The following RIN2 variants were observed in gnomAD, a reference collection of about 807,000 sequenced individuals.
RIN2 encodes the protein Ras and Rab interactor 2, also known as RAB5 interacting protein 2.
A neutral mutation model predicts 78.0 loss-of-function variants in RIN2; 36 were observed. That is an observed-to-expected ratio of 0.46 (90% CI 0.35 to 0.61). RIN2 has a LOEUF of 0.61. Ranked by LOEUF, RIN2 falls within the 20% of genes least tolerant of loss-of-function variation. RIN2 has a pLI of 0.00. For missense variants in RIN2, 1,087 were observed against 1,159.7 expected (o/e 0.94, Z 0.91); for synonymous variants, 466 against 466.8 (o/e 1.00, Z 0.02).
intron 3 of RIN2, among the ~76,000 whole-genome samples, chr20:19,933,272 T>A (rs1474936338): frequency 6.6e-6 from 1 of 152,242 alleles, no homozygotes; most frequent in Non-Finnish European, 1.5e-5. Flanking sequence ...TACCATGATC[T>A]ACAAAGTTGG....
chr20:19,910,329 T>A (rs1215907078), intron 3 of RIN2, among the ~76,000 whole-genome samples: 1 of 151,706 alleles, frequency 6.6e-6, no homozygotes, highest in Non-Finnish European at 1.5e-5. Context: ...TGCGCCACCA[T>A]GCCCAGCTAA....
intron 2 of RIN2, among the ~76,000 whole-genome samples, chr20:19,844,524 A>G (rs1006549338): frequency 2.0e-5 from 3 of 152,046 alleles, no homozygotes; most frequent in African/African-American, 7.2e-5. Flanking sequence ...AAATGGGTGC[A>G]TGGCTGGTGT....
intron 1 of RIN2, among the ~76,000 whole-genome samples, chr20:19,797,259 C>A (rs1250376824): frequency 5.3e-5 from 8 of 152,266 alleles, no homozygotes; most frequent in Middle Eastern, 6.8e-3. Context: ...CTCATGTAAG[C>A]CCTTCCTCTC....
chr20:19,779,113 A>T (rs2034410377), intron 1 of RIN2, among the ~76,000 whole-genome samples: 1 of 152,190 alleles, frequency 6.6e-6, no homozygotes, highest in African/African-American at 2.4e-5. Context: ...GATCATCACA[A>T]ATCTGTAAAA....
At chr20:19,963,770 A>G (rs906858) in intron 6 of RIN2, among the ~76,000 whole-genome samples, 1,607 of 151,646 alleles carry the variant, frequency 0.011, 27 homozygotes, top group South Asian at 0.047. Context: ...TGGCTGGCAA[A>G]TTCATGAGTA....
chr20:19,813,933 A>C (rs933739312), intron 2 of RIN2, among the ~76,000 whole-genome samples: 2 of 152,326 alleles, frequency 1.3e-5, no homozygotes, highest in South Asian at 4.1e-4. Flanking sequence ...TAAATTATAG[A>C]AAACTAGACA....
At chr20:19,839,007 G>A (rs2036502736) in intron 2 of RIN2, among the ~76,000 whole-genome samples, 1 of 152,150 alleles carries the variant, frequency 6.6e-6, no homozygotes, top group African/African-American at 2.4e-5. Context: ...CCAACCTGAT[G>A]ATTGGGAACA....
At chr20:19,835,870 GA>G (rs1412658816) in intron 2 of RIN2, among the ~76,000 whole-genome samples, 2 of 152,212 alleles carry the variant, frequency 1.3e-5, no homozygotes, top group Non-Finnish European at 2.9e-5. Flanking sequence ...TTCCTGGCCA[GA>G]AGGAGAGAGT....
chr20:19,953,120 G>T lies in RIN2; in HGVS notation c.159-3495G>T, dbSNP rs73605555. Among the ~76,000 whole-genome samples the T allele has an allele frequency of 7.3e-5, 11 of 151,470 alleles. No homozygotes were observed. In the South Asian group the frequency reaches 2.3e-3, roughly 32 times the overall value. On this transcript the variant is annotated intron_variant, in intron 4 of 12. Transcript: ENST00000255006. ...GTAGTGGTTGTAAACTTGGTTGCACGTTGGGATCCCCTGGGGAATTTTTTT... is the reference window on the plus strand; with the variant it reads ...GTAGTGGTTGTAAACTTGGTTGCACTTTGGGATCCCCTGGGGAATTTTTTT...
intron 1 of RIN2, among the ~76,000 whole-genome samples, chr20:19,788,274 AAAAG>A (rs1346204307): frequency 6.6e-6 from 1 of 152,050 alleles, no homozygotes; most frequent in Non-Finnish European, 1.5e-5. Flanking sequence ...TAAGGCAAGA[AAAAG>A]AAAGAAATGT....
In RIN2 at chr20:20,000,831, C is replaced by T. The variant is rs748367793; in HGVS notation, c.2583C>T (p.His861=). 2.5e-6 allele frequency: 4 copies of T among 1,613,884 alleles called. No homozygotes were observed. The change falls in exon 13 of 13, where the codon CAC becomes CAT. Residue 861 remains histidine, a synonymous_variant. Transcript: ENST00000255006. ...TYPQKIKAEL[H]SRPQPHIFHF... is the part of the protein sequence containing the mutation. ...CTCAAAAAATCAAGGCGGAGCTGCA[C>T]AGCCGACCACAGCCCCACATCTTCC...
At chr20:19,759,923 A>C (rs2033567241) in intron 1 of RIN2, among the ~76,000 whole-genome samples, 1 of 151,252 alleles carries the variant, frequency 6.6e-6, no homozygotes, top group African/African-American at 2.4e-5. Context: ...TCCCTCCCCC[A>C]CCTCCCCATT....
In RIN2 at chr20:19,896,520, G is replaced by A. The variant is rs541206232; in HGVS notation, c.57+6862G>A. On this transcript the variant is annotated intron_variant, in intron 3 of 12. Coordinates refer to ENST00000255006, the MANE Select transcript of RIN2 (RefSeq NM_018993.4). ...CCTTGGCCTCCCAGCAGATCCCCTG[G>A]ACTGTGAGTAGACGGAACATCACCT... Among the ~76,000 whole-genome samples, 3 of 152,302 alleles carry A rather than the reference G, an allele frequency of 2.0e-5. No homozygotes were observed. The East Asian group carries it at 5.8e-4, about 29-fold the overall frequency.
chr20:19,775,346 ATTTC>A (rs2034274519), intron 1 of RIN2, among the ~76,000 whole-genome samples: 1 of 152,208 alleles, frequency 6.6e-6, no homozygotes, highest in East Asian at 1.9e-4. Context: ...CTGCTGGTTC[ATTTC>A]ACTAAATTGC....
intron 3 of RIN2, among the ~76,000 whole-genome samples, chr20:19,908,050 C>G (rs188521043): frequency 6.6e-6 from 1 of 152,314 alleles, no homozygotes; most frequent in East Asian, 1.9e-4. Context: ...CTTCACCTTC[C>G]TCATGCCTGT....
chr20:19,832,445 T>A (rs995236052), intron 2 of RIN2, among the ~76,000 whole-genome samples: 1 of 149,904 alleles, frequency 6.7e-6, no homozygotes, highest in African/African-American at 2.5e-5. Context: ...TTTTTGGAAA[T>A]AGTAAAAAAG....
intron 2 of RIN2, among the ~76,000 whole-genome samples, chr20:19,807,162 C>T (rs903533071): frequency 1.3e-5 from 2 of 152,234 alleles, no homozygotes; most frequent in South Asian, 2.1e-4. Context: ...AAAGCTTGTG[C>T]TTGGAATCGG....
chr20:19,789,129 G>T (rs899429790), intron 1 of RIN2, among the ~76,000 whole-genome samples: 1 of 152,140 alleles, frequency 6.6e-6, no homozygotes, highest in African/African-American at 2.4e-5. Context: ...CAGTATCTTG[G>T]CTTACAACAA....
intron 3 of RIN2, among the ~76,000 whole-genome samples, chr20:19,903,247 G>T (rs945561505): frequency 6.6e-6 from 1 of 152,148 alleles, no homozygotes; most frequent in Non-Finnish European, 1.5e-5. Context: ...TGGAAGGGGA[G>T]GAAATAAAGG....
Sources: allele counts gnomAD v4.1 joint callset (sites outside exome capture counted in the v4.1 genomes callset), GRCh38; gene constraint gnomAD v4.1.1; transcripts MANE v1.5; gene names NCBI Gene and HGNC (gene_info 2026-07-23, HGNC 2026-07-21).